LATS2: variants seen among roughly 807,000 people sequenced by gnomAD.
LATS2 encodes serine/threonine-protein kinase LATS2.
LATS2 carries 24 observed loss-of-function variants against 76.0 expected under a neutral mutation model. That is an observed-to-expected ratio of 0.32 (90% CI 0.23 to 0.44). The LOEUF (loss-of-function observed/expected upper bound fraction) is 0.44, where lower values mean the gene tolerates loss of function less well. LATS2 is among the 20% of genes least tolerant of loss of function. The pLI is 1.00. For synonymous variants in LATS2, 692 were observed against 635.4 expected, an observed-to-expected ratio of 1.09 and a Z score of -1.34; for missense variants, 1,286 against 1,481.2, an observed-to-expected ratio of 0.87 and a Z score of 2.16.
At chr13:20,987,278 A>C (rs1870198556) in intron 4 of LATS2, among the ~76,000 whole-genome samples, 1 of 152,228 alleles carries the variant, frequency 6.6e-6, no homozygotes, top group South Asian at 2.1e-4. Flanking sequence ...AATACGGGAC[A>C]CTGAAAAGAA....
Position 20,974,392 on chromosome 13 carries a change from A to T in LATS2, c.*478T>A. ...AAACAAAAACCATTGTGTGGATAAA[A>T]TGGTCTCCGTGACATTGAGCAGAGT... On this transcript the variant is annotated 3_prime_UTR_variant, in exon 8 of 8. Coordinates refer to ENST00000382592, the MANE Select transcript of LATS2 (RefSeq NM_014572.3). 1 of 225,944 alleles carries T rather than the reference A, an allele frequency of 4.4e-6. No individual in the cohort carries two copies. Among genetic ancestry groups the T allele is most frequent in the Non-Finnish European group, 8.8e-6 (1 of 113,914 alleles). 14.0% of individuals were successfully genotyped at this position (225,944 alleles called of 1,614,324 possible).
At chr13:20,998,508 G>A (rs951022713) in intron 2 of LATS2, among the ~76,000 whole-genome samples, 5 of 152,154 alleles carry the variant, frequency 3.3e-5, no homozygotes, top group African/African-American at 7.2e-5. Context: ...CAGCAGGGTG[G>A]TCTTCAAAAG....
intron 2 of LATS2, among the ~76,000 whole-genome samples, chr13:21,010,761 G>A (rs771414976): frequency 6.6e-5 from 10 of 152,132 alleles, no homozygotes; most frequent in Non-Finnish European, 1.5e-4. Flanking sequence ...TGCTTAACTT[G>A]GGGACTTTCA....
chr13:20,991,535 C>A lies in LATS2; in HGVS notation c.343-131G>T. ...TGTACTGCTGAGAACCTGCGATATG[C>A]TGCAGGAGACCCTCAGAATGAGTGC... On this transcript the variant is annotated intron_variant, in intron 2 of 7. Coordinates refer to ENST00000382592, the MANE Select transcript of LATS2 (RefSeq NM_014572.3). The surrounding 1 kb of genome is among the most constrained non-coding windows in gnomAD (Gnocchi z 4.9). The A allele has an allele frequency of 1.0e-6, 1 of 996,786 alleles. No individual in the cohort carries two copies. The highest frequency in any genetic ancestry group is 1.6e-5 in the South Asian group (1 of 62,450). 61.7% of individuals were successfully genotyped at this position (996,786 alleles called of 1,614,324 possible).
chr13:21,017,625 CTTT>C (rs11304766), intron 2 of LATS2, among the ~76,000 whole-genome samples: 1 of 142,256 alleles, frequency 7.0e-6, no homozygotes, highest in Non-Finnish European at 1.6e-5. Context: ...TCATTTCTTT[CTTT>C]TTTTTTTTTT....
chr13:21,007,293 C>T (rs1871295773), intron 2 of LATS2, among the ~76,000 whole-genome samples: 1 of 150,894 alleles, frequency 6.6e-6, no homozygotes, highest in Admixed American at 6.6e-5. Context: ...TGGCTGTTAC[C>T]CTACCAATTG....
chr13:21,040,870 A>C (rs1315565565), intron 2 of LATS2, among the ~76,000 whole-genome samples: 1 of 152,194 alleles, frequency 6.6e-6, no homozygotes, highest in African/African-American at 2.4e-5. Flanking sequence ...AAATGAGAAA[A>C]GAATTCTTAT....
Position 20,988,971 on chromosome 13 carries a change from T to A in LATS2, c.809A>T (p.Gln270Leu). The change falls in exon 4 of 8, where the codon CAG (glutamine) becomes CTG (leucine). Residue 270 changes from glutamine (Q) to leucine (L), a missense_variant. Gln to Leu is a moderately radical substitution (Grantham distance 113). This residue lies in a region of LATS2 where 710 missense variants were observed against 660.9 expected (regional missense o/e 1.07). Transcript: ENST00000382592. ...VPGEPLGYGV[Q>L]RSPSFQSKTP... is the part of the protein sequence containing the mutation. ...CTTGCTCTGGAAGGAGGGGCTGCGC[T>A]GCACTCCGTAGCCCAGGGGTTCCCC... 1 of 1,540,320 alleles carries A rather than the reference T, an allele frequency of 6.5e-7. No individual in the cohort carries two copies. The highest frequency in any genetic ancestry group is 8.7e-7 in the Non-Finnish European group (1 of 1,148,770).
intron 2 of LATS2, among the ~76,000 whole-genome samples, chr13:21,006,370 C>T (rs1297037168): frequency 6.6e-6 from 1 of 152,146 alleles, no homozygotes; most frequent in Admixed American, 6.5e-5. Flanking sequence ...CCACTGTGTA[C>T]ATCCCTTAAA....
At chr13:21,060,041 A>G (rs1310574802) in intron 1 of LATS2, among the ~76,000 whole-genome samples, 1 of 151,954 alleles carries the variant, frequency 6.6e-6, no homozygotes. Context: ...AGCATTTCTC[A>G]TCCAAAGGCC....
intron 3 of LATS2, among the ~76,000 whole-genome samples, chr13:20,990,858 T>C (rs1331522568): frequency 1.3e-5 from 2 of 152,176 alleles, no homozygotes; most frequent in Admixed American, 6.5e-5. Context: ...GAAGCTACGA[T>C]GTGAGAGAGG....
At chr13:20,997,800 A>T (rs1008703621) in intron 2 of LATS2, among the ~76,000 whole-genome samples, 1 of 152,238 alleles carries the variant, frequency 6.6e-6, no homozygotes, top group Non-Finnish European at 1.5e-5. Flanking sequence ...ATGTCTAAGC[A>T]GCAGAAGTAT....
intron 2 of LATS2, among the ~76,000 whole-genome samples, chr13:20,993,062 TG>T (rs983599342): frequency 2.2e-5 from 2 of 89,786 alleles, no homozygotes; most frequent in Non-Finnish European, 2.3e-5. Context: ...AAAAAAAAAA[TG>T]GGGGGGTGGA....
chr13:20,994,533 G>C (rs1012556346), intron 2 of LATS2, among the ~76,000 whole-genome samples: 1 of 152,244 alleles, frequency 6.6e-6, no homozygotes, highest in Non-Finnish European at 1.5e-5. Context: ...TGCGGGAGGA[G>C]TGTGTCAGAG....
intron 2 of LATS2, among the ~76,000 whole-genome samples, chr13:21,038,965 T>C (rs75670721): frequency 0.085 from 12,874 of 152,200 alleles, 570 homozygotes; most frequent in Non-Finnish European, 0.095. Context: ...AGGCACAGAG[T>C]GAGATTCCAT....
intron 1 of LATS2, among the ~76,000 whole-genome samples, chr13:21,057,541 G>A (rs1482690778): frequency 2.0e-5 from 3 of 152,196 alleles, no homozygotes; most frequent in African/African-American, 2.4e-5. Context: ...AACAGGCCGG[G>A]CGCGGTGGCT....
chr13:20,987,240 GA>G (rs1224619223), intron 4 of LATS2, among the ~76,000 whole-genome samples: 228 of 152,000 alleles, frequency 1.5e-3, no homozygotes, highest in Non-Finnish European at 1.6e-4. Context: ...AAACACAAAT[GA>G]AAAGTATATC....
At chr13:21,055,015 G>T (rs1873406743) in intron 1 of LATS2, among the ~76,000 whole-genome samples, 1 of 152,218 alleles carries the variant, frequency 6.6e-6, no homozygotes, top group Non-Finnish European at 1.5e-5. Flanking sequence ...GATAAACTGT[G>T]TTCTTGCCTG....
intron 2 of LATS2, among the ~76,000 whole-genome samples, chr13:20,995,772 T>C (rs1870725480): frequency 6.6e-6 from 1 of 152,188 alleles, no homozygotes; most frequent in South Asian, 2.1e-4. Flanking sequence ...ATTATCTAGT[T>C]TGCACACGTG....
Sources: gnomAD v4.1 joint callset for allele counts (sites outside exome capture counted in the v4.1 genomes callset) on GRCh38, gnomAD v4.1.1 for gene constraint, gnomAD v4.1.1 regional missense constraint, Gnocchi (gnomAD v3.1) non-coding constraint, MANE v1.5 for transcripts, NCBI Gene and HGNC (gene_info 2026-07-23, HGNC 2026-07-21) for gene names.